Variants in ELMO1 observed in about 807,000 individuals in gnomAD.
ELMO1 encodes the protein engulfment and cell motility 1.
Under a neutral mutation model 98.9 loss-of-function variants are expected in ELMO1, and 26 were observed. The observed-to-expected ratio is 0.26, with a 90% CI of 0.19 to 0.36. The LOEUF is 0.36. Ranked by LOEUF, ELMO1 falls within the 10% of genes least tolerant of loss-of-function variation. The pLI is 1.00. For missense variants in ELMO1, 627 were observed against 935.2 expected (o/e 0.67, Z 4.30); for synonymous variants, 346 against 346.0 (o/e 1.00, Z 0.00).
chr7:37,128,979 G>A (rs957656675), intron 14 of ELMO1, among the ~76,000 whole-genome samples: 1 of 152,066 alleles, frequency 6.6e-6, no homozygotes, highest in Admixed American at 6.5e-5. Flanking sequence ...CCGGGTAGAG[G>A]GTCAGGAAGT....
intron 13 of ELMO1, among the ~76,000 whole-genome samples, chr7:37,208,844 G>A (rs1248851269): frequency 2.0e-5 from 3 of 152,054 alleles, no homozygotes; most frequent in East Asian, 3.9e-4. Flanking sequence ...AGAAGTTGCA[G>A]GGGAATAACT....
intron 2 of ELMO1, among the ~76,000 whole-genome samples, chr7:37,337,787 A>G (rs886584256): frequency 6.6e-6 from 1 of 152,182 alleles, no homozygotes; most frequent in Non-Finnish European, 1.5e-5. Flanking sequence ...GGCAGGGCAG[A>G]GACAAGAAAT....
chr7:36,955,269 C>T (rs1788349077), intron 16 of ELMO1, among the ~76,000 whole-genome samples: 1 of 152,204 alleles, frequency 6.6e-6, no homozygotes, highest in African/African-American at 2.4e-5. Flanking sequence ...TGCTTCTACA[C>T]TACATTTTCT....
intron 10 of ELMO1, among the ~76,000 whole-genome samples, chr7:37,217,006 C>T (rs1442067107): frequency 3.3e-5 from 5 of 152,192 alleles, no homozygotes; most frequent in African/African-American, 1.2e-4. Flanking sequence ...AAAGCAATGG[C>T]TATTAGAAAG....
At chr7:37,168,780 G>C (rs1296557760) in intron 13 of ELMO1, among the ~76,000 whole-genome samples, 3 of 152,218 alleles carry the variant, frequency 2.0e-5, no homozygotes, top group African/African-American at 7.2e-5. Flanking sequence ...GCTGCTCAGG[G>C]TTCAGGGGTC....
At chr7:37,442,549 C>T (rs1805453835) in intron 1 of ELMO1, among the ~76,000 whole-genome samples, 2 of 152,166 alleles carry the variant, frequency 1.3e-5, no homozygotes, top group African/African-American at 4.8e-5. Context: ...AAATACTGTT[C>T]TCATTTTTTA....
intron 20 of ELMO1, among the ~76,000 whole-genome samples, chr7:36,863,452 A>G (rs1562779116): frequency 6.6e-6 from 1 of 152,228 alleles, no homozygotes; most frequent in Non-Finnish European, 1.5e-5. Flanking sequence ...TTAAAAAAAA[A>G]TCAATATGAA....
At chr7:37,248,359 C>T (rs901294059) in intron 6 of ELMO1, among the ~76,000 whole-genome samples, 1 of 152,024 alleles carries the variant, frequency 6.6e-6, no homozygotes, top group African/African-American at 2.4e-5. Flanking sequence ...ATAATCTCTT[C>T]TTCAAATGGG....
At chr7:37,015,677 A>G (rs1463613403) in intron 15 of ELMO1, among the ~76,000 whole-genome samples, 2 of 152,214 alleles carry the variant, frequency 1.3e-5, no homozygotes, top group Admixed American at 1.3e-4. Flanking sequence ...AGCAGATCAA[A>G]TAAGCCAACT....
chr7:37,247,985 A>G (rs1265177267), intron 6 of ELMO1, among the ~76,000 whole-genome samples: 1 of 148,068 alleles, frequency 6.8e-6, no homozygotes, highest in East Asian at 2.0e-4. Context: ...GGGCCTGAGC[A>G]TGCTTATGGT....
chr7:37,108,073 A>G (rs561494768), intron 14 of ELMO1, among the ~76,000 whole-genome samples: 13 of 152,226 alleles, frequency 8.5e-5, no homozygotes, highest in Non-Finnish European at 1.8e-4. Context: ...GAAAAAATTG[A>G]CTGAAACCTA....
chr7:37,249,713 A>G (rs1795232611), intron 6 of ELMO1, among the ~76,000 whole-genome samples: 1 of 152,244 alleles, frequency 6.6e-6, no homozygotes, highest in East Asian at 1.9e-4. Context: ...ACATACTCTG[A>G]GTCAGGAATT....
intron 13 of ELMO1, among the ~76,000 whole-genome samples, chr7:37,191,438 A>G (rs758888643): frequency 3.9e-5 from 6 of 152,190 alleles, no homozygotes; most frequent in Non-Finnish European, 7.3e-5. Flanking sequence ...AATATCAAAA[A>G]TAATTGTGTC....
chr7:36,992,447 T>C (rs116802308), intron 16 of ELMO1, among the ~76,000 whole-genome samples: 4,509 of 152,268 alleles, frequency 0.03, 186 homozygotes, highest in African/African-American at 0.09. Flanking sequence ...ATTTGAATTT[T>C]CCAAATATAC....
At chr7:37,184,008 T>C (rs1180968727) in intron 13 of ELMO1, among the ~76,000 whole-genome samples, 2 of 152,246 alleles carry the variant, frequency 1.3e-5, no homozygotes, top group Non-Finnish European at 2.9e-5. Flanking sequence ...AAGATTCTCA[T>C]TCATTGAAAA....
intron 16 of ELMO1, among the ~76,000 whole-genome samples, chr7:36,930,891 C>T (rs891688232): frequency 6.6e-6 from 1 of 152,186 alleles, no homozygotes; most frequent in African/African-American, 2.4e-5. Context: ...TTCAGTGAAC[C>T]TTTTCAGACT....
chr7:37,204,400 T>C (rs1231364907), intron 13 of ELMO1: 4 of 346,304 alleles, frequency 1.2e-5, no homozygotes, highest in African/African-American at 4.4e-5. Flanking sequence ...AAAGGCGGCA[T>C]GTCTGGAGTT....
rs141633561 is a variant in ELMO1, at chr7:37,124,483, C to T, written c.1191+8647G>A. 2.9e-3 allele frequency among the ~76,000 whole-genome samples: 447 copies of T among 152,298 alleles called. 4 individuals are homozygous for T. Among genetic ancestry groups the T allele is most frequent in the African/African-American group, 0.01 (427 of 41,572 alleles). ...TGCAAAAATCACAAGCACTCTTATA[C>T]ACCAATAACAGACAAACAGAGAGCT... On this transcript the variant is annotated intron_variant, in intron 14 of 21. Coordinates refer to ENST00000310758, the MANE Select transcript of ELMO1 (RefSeq NM_014800.11).
intron 21 of ELMO1, among the ~76,000 whole-genome samples, chr7:36,856,676 A>G (rs992601676): frequency 2.0e-5 from 3 of 152,168 alleles, no homozygotes; most frequent in Admixed American, 2.0e-4. Context: ...CTGTACTGAC[A>G]TGGACAGAGA....
Sources: allele counts gnomAD v4.1 joint callset (sites outside exome capture counted in the v4.1 genomes callset), GRCh38; gene constraint gnomAD v4.1.1; transcripts MANE v1.5; gene names NCBI Gene and HGNC (gene_info 2026-07-23, HGNC 2026-07-21).